The following WWP2 variants were observed in gnomAD, a reference collection of about 807,000 sequenced individuals.
WWP2 encodes NEDD4-like E3 ubiquitin-protein ligase WWP2.
In WWP2, 57 loss-of-function variants were observed where a neutral mutation model predicts 121.0. The observed-to-expected ratio is 0.47, with a 90% confidence interval of 0.38 to 0.59. WWP2 has a LOEUF of 0.59. WWP2 is among the 20% of genes least tolerant of loss of function. The pLI, the probability that WWP2 is intolerant of heterozygous loss-of-function variation, is 0.00. For synonymous variants in WWP2, 449 were observed against 441.3 expected (o/e 1.02, Z -0.22); for missense variants, 962 against 1,158.9 (o/e 0.83, Z 2.47).
Position 69,940,178 on chromosome 16 carries a change from A to C in WWP2, c.*238A>C. On this transcript the variant is annotated 3_prime_UTR_variant, in exon 24 of 24. Transcript: ENST00000359154. ...AGTTGCCTTTGGCCCCACCTTTGCA[A>C]AGTTCCAGAGGGCTGACCCTCTCTG... 1.8e-6 allele frequency: 1 copy of C among 558,198 alleles called. No homozygotes were observed. Among genetic ancestry groups the C allele is most frequent in the Non-Finnish European group, 3.2e-6 (1 of 313,220 alleles). 34.6% of individuals were successfully genotyped at this position (558,198 alleles called of 1,614,324 possible).
At chr16:69,903,645 G>C (rs1197477436) in intron 8 of WWP2, among the ~76,000 whole-genome samples, 1 of 151,982 alleles carries the variant, frequency 6.6e-6, no homozygotes, top group Non-Finnish European at 1.5e-5. Flanking sequence ...GCGCATACCT[G>C]TAGTCCCAGC....
intron 6 of WWP2, among the ~76,000 whole-genome samples, chr16:69,842,524 T>G (rs2056998643): frequency 6.6e-6 from 1 of 152,152 alleles, no homozygotes; most frequent in Admixed American, 6.6e-5. Flanking sequence ...ATTTCTATCT[T>G]TGTGTTCATG....
At chr16:69,870,298 C>CTTT (rs5817675) in intron 6 of WWP2, among the ~76,000 whole-genome samples, 1 of 122,856 alleles carries the variant, frequency 8.1e-6, no homozygotes, top group Non-Finnish European at 1.7e-5. Flanking sequence ...TTTATTTATC[C>CTTT]TTTTTTTTTT....
At chr16:69,764,917 T>C (rs954074688) in intron 1 of WWP2, among the ~76,000 whole-genome samples, 5 of 152,254 alleles carry the variant, frequency 3.3e-5, no homozygotes, top group African/African-American at 1.2e-4. Flanking sequence ...TAATTATAAA[T>C]AGTTGGTCAG....
At position 69,917,745 on chromosome 16, in the gene WWP2, C is replaced by G; in HGVS notation, c.1041C>G (p.Tyr347Ter). The change falls in exon 10 of 24, where the codon TAC becomes TAG. Residue 347 changes from tyrosine (Y) to a stop codon, truncating the protein, a stop_gained. Coordinates refer to ENST00000359154, the MANE Select transcript of WWP2 (RefSeq NM_001270454.2). LOFTEE classifies it high-confidence loss of function. Reference protein sequence around the residue: ...EKRTDPRGRFYYVDHNTRTTT... With the variant: ...EKRTDPRGRF ...GCACAGATCCCCGAGGCAGGTTTTA[C>G]TATGTGGATCACAATACTCGGACCA... The G allele has an allele frequency of 1.2e-6, 2 of 1,609,842 alleles. No individual in the cohort carries two copies. Among genetic ancestry groups the G allele is most frequent in the Admixed American group, 1.7e-5 (1 of 59,966 alleles).
At chr16:69,820,552 C>A (rs1279071156) in intron 4 of WWP2, among the ~76,000 whole-genome samples, 1 of 125,142 alleles carries the variant, frequency 8.0e-6, no homozygotes, top group African/African-American at 2.6e-5. Context: ...CCCCCTGTCT[C>A]TTAAAAAAAA....
intron 6 of WWP2, among the ~76,000 whole-genome samples, chr16:69,855,218 G>A (rs1018681983): frequency 1.3e-5 from 2 of 152,222 alleles, no homozygotes; most frequent in African/African-American, 2.4e-5. Flanking sequence ...TGCTTCACAT[G>A]TACTGGGTTT....
intron 7 of WWP2, among the ~76,000 whole-genome samples, chr16:69,878,815 A>G (rs970137629): frequency 2.6e-5 from 4 of 152,196 alleles, no homozygotes; most frequent in Non-Finnish European, 4.4e-5. Context: ...AAATACCTGT[A>G]TATAGCTTTG....
chr16:69,842,437 T>C (rs4277335), intron 6 of WWP2, among the ~76,000 whole-genome samples: 1 of 152,184 alleles, frequency 6.6e-6, no homozygotes, highest in African/African-American at 2.4e-5. Flanking sequence ...GCCCAGATAG[T>C]GAACATAGTA....
intron 10 of WWP2, among the ~76,000 whole-genome samples, chr16:69,921,739 C>T (rs186838634): frequency 3.9e-5 from 6 of 152,272 alleles, no homozygotes; most frequent in African/African-American, 9.6e-5. Context: ...GACTATCACA[C>T]GGCCGACAAT....
chr16:69,889,036 CGTG>C (rs2057978864), intron 8 of WWP2, among the ~76,000 whole-genome samples: 1 of 152,134 alleles, frequency 6.6e-6, no homozygotes, highest in African/African-American at 2.4e-5. Flanking sequence ...AGTCAGATGG[CGTG>C]GTGGCTCACG....
rs1282209191 is a variant in WWP2 at position 69,840,172 on chromosome 16, C to T, written c.387C>T (p.Gly129=). The part of the protein sequence containing the change: ...LTLNLQTENK[G]SVVSGGELTI... ...TGAACCTGCAGACGGAGAACAAAGG[C>T]AGCGTTGTCTCAGGCGGAGAGCTGA... Residue 129 remains glycine, a synonymous_variant, in exon 5 of 24, where the codon GGC becomes GGT. Transcript: ENST00000359154. 6.2e-7 allele frequency: 1 copy of T among 1,614,130 alleles called. No homozygotes were observed. Among genetic ancestry groups the T allele is most frequent in the Non-Finnish European group, 8.5e-7 (1 of 1,180,040 alleles).
chr16:69,803,659 C>T (rs1049129105), intron 4 of WWP2, among the ~76,000 whole-genome samples: 1 of 152,118 alleles, frequency 6.6e-6, no homozygotes, highest in Non-Finnish European at 1.5e-5. Flanking sequence ...CATGTAATCC[C>T]AGACCTGGGA....
chr16:69,866,858 G>T (rs1236699602), intron 6 of WWP2, among the ~76,000 whole-genome samples: 1 of 149,974 alleles, frequency 6.7e-6, no homozygotes, highest in Non-Finnish European at 1.5e-5. Context: ...TTATTTTTGA[G>T]ACGGAGTCTC....
At chr16:69,779,258 G>A (rs2055612613) in intron 1 of WWP2, among the ~76,000 whole-genome samples, 1 of 152,150 alleles carries the variant, frequency 6.6e-6, no homozygotes, top group South Asian at 2.1e-4. Flanking sequence ...GCCCCGGCCG[G>A]TTATTTTTCT....
chr16:69,939,168 C>G (rs774749651), intron 22 of WWP2, 45 bp downstream of exon 22: 34 of 1,572,062 alleles, frequency 2.2e-5, no homozygotes, highest in Non-Finnish European at 2.9e-5. Context: ...GCAGTGCGGA[C>G]AGCTCAGAGG....
intron 4 of WWP2, among the ~76,000 whole-genome samples, chr16:69,822,351 G>A (rs2056608204): frequency 1.3e-5 from 2 of 152,232 alleles, no homozygotes; most frequent in Non-Finnish European, 2.9e-5. Context: ...CCGAGCTAGA[G>A]GCTGGCGCTG....
At chr16:69,774,501 C>T (rs1242131402) in intron 1 of WWP2, among the ~76,000 whole-genome samples, 1 of 152,200 alleles carries the variant, frequency 6.6e-6, no homozygotes, top group Non-Finnish European at 1.5e-5. Context: ...AAGTGATCCA[C>T]CTGACTTGGC....
At chr16:69,793,305 T>C (rs1207965736) in intron 2 of WWP2, among the ~76,000 whole-genome samples, 2 of 151,928 alleles carry the variant, frequency 1.3e-5, no homozygotes, top group African/African-American at 4.8e-5. Flanking sequence ...TGAGTCAAGA[T>C]TGCACCACTG....
Sources: gnomAD v4.1 joint callset for allele counts (sites outside exome capture counted in the v4.1 genomes callset) on GRCh38, gnomAD v4.1.1 for gene constraint, MANE v1.5 for transcripts, NCBI Gene and HGNC (gene_info 2026-07-23, HGNC 2026-07-21) for gene names.